DPP10: variants seen among roughly 807,000 people sequenced by gnomAD.
DPP10 encodes dipeptidyl peptidase like 10.
DPP10 carries 33 observed loss-of-function variants against 120.9 expected under a neutral mutation model. The ratio of observed to expected loss-of-function variants is 0.27; its 90% CI spans 0.21 to 0.37. The LOEUF (loss-of-function observed/expected upper bound fraction) is 0.37. DPP10 is among the 10% of genes least tolerant of loss of function. The pLI, the probability that DPP10 is intolerant of heterozygous loss-of-function variation, is 1.00. For synonymous variants in DPP10, 337 were observed against 326.1 expected (o/e 1.03, Z -0.36); for missense variants, 816 against 942.8 (o/e 0.87, Z 1.76).
At chr2:115,295,225 G>A (rs983751046) in intron 1 of DPP10, among the ~76,000 whole-genome samples, 2 of 152,072 alleles carry the variant, frequency 1.3e-5, no homozygotes, top group East Asian at 3.9e-4. Flanking sequence ...GCTTTGAGGC[G>A]AGTAATTGCC....
intron 1 of DPP10, among the ~76,000 whole-genome samples, chr2:114,667,833 C>A (rs1698044577): frequency 6.6e-6 from 1 of 152,064 alleles, no homozygotes; most frequent in South Asian, 2.1e-4. Flanking sequence ...TAGGTAAGTA[C>A]AAATCTGAAA....
Position 115,067,274 on chromosome 2 carries a change from C to T in DPP10, c.61-241965C>T, listed in dbSNP as rs867421510. 6.6e-5 allele frequency among the ~76,000 whole-genome samples: 10 copies of T among 151,974 alleles called. No homozygotes were observed. In the South Asian group the frequency reaches 8.3e-4, roughly 13 times the overall value. On this transcript the variant is annotated intron_variant, in intron 1 of 25. Coordinates refer to ENST00000410059, the MANE Select transcript of DPP10 (RefSeq NM_020868.6). ...GTTTGTTTTTGTTTTTGTTTTGAGA[C>T]GGAGTCTGGCTCTGTCGCCCAGGCT...
intron 1 of DPP10, among the ~76,000 whole-genome samples, chr2:114,779,975 A>T (rs866191773): frequency 1.2e-4 from 18 of 152,166 alleles, no homozygotes; most frequent in Middle Eastern, 6.8e-3. Context: ...TCTCTACTAA[A>T]AATACAAAAA....
intron 1 of DPP10, among the ~76,000 whole-genome samples, chr2:114,609,735 C>G (rs939281758): frequency 6.6e-6 from 1 of 152,136 alleles, no homozygotes; most frequent in Non-Finnish European, 1.5e-5. Context: ...GAAAGGGTTC[C>G]TCTTGAAAAC....
chr2:114,887,605 C>T lies in DPP10; in HGVS notation c.61-421634C>T, dbSNP rs578145726. Among the ~76,000 whole-genome samples the T allele has an allele frequency of 2.2e-4, 33 of 152,330 alleles. No individual in the cohort carries two copies. In the South Asian group the frequency reaches 6.6e-3, roughly 31 times the overall value. On this transcript the variant is annotated intron_variant, in intron 1 of 25. Coordinates refer to ENST00000410059, the MANE Select transcript of DPP10 (RefSeq NM_020868.6). ...CCTTCCAAAAGTGGAAATCCTTCAT[C>T]TGTAAAACAGTGTTAATGATGTATA...
At chr2:114,483,513 G>A (rs906448066) in intron 1 of DPP10, among the ~76,000 whole-genome samples, 35 of 151,822 alleles carry the variant, frequency 2.3e-4, no homozygotes, top group Admixed American at 2.0e-3. Flanking sequence ...TCCTGAAAGC[G>A]CTTTTTGGAC....
At chr2:114,459,372 T>A (rs1678748949) in intron 1 of DPP10, among the ~76,000 whole-genome samples, 1 of 152,182 alleles carries the variant, frequency 6.6e-6, no homozygotes, top group Admixed American at 6.5e-5. Flanking sequence ...CAGTCAGTGG[T>A]CCATGCTATT....
intron 1 of DPP10, among the ~76,000 whole-genome samples, chr2:114,858,978 G>A (rs545154839): frequency 6.6e-6 from 1 of 152,144 alleles, no homozygotes; most frequent in African/African-American, 2.4e-5. Context: ...ATCTCAATAG[G>A]AGTAGCATCT....
At chr2:114,749,560 T>TTTATTTTATTTTA (rs1438530126) in intron 1 of DPP10, among the ~76,000 whole-genome samples, 2 of 142,586 alleles carry the variant, frequency 1.4e-5, no homozygotes, top group African/African-American at 5.4e-5. Context: ...TTTATTTTAT[T>TTTATTTTATTTTA]TTATTTTATT....
chr2:115,357,381 T>G (rs1008129945), intron 3 of DPP10, among the ~76,000 whole-genome samples: 5 of 152,170 alleles, frequency 3.3e-5, no homozygotes, highest in Admixed American at 6.5e-5. Context: ...AGTCCGAAAT[T>G]CAATAAGGCA....
At chr2:114,979,705 G>A (rs1320441595) in intron 1 of DPP10, among the ~76,000 whole-genome samples, 1 of 151,944 alleles carries the variant, frequency 6.6e-6, no homozygotes, top group African/African-American at 2.4e-5. Flanking sequence ...TAGCATTCAT[G>A]GATGAACTAC....
chr2:114,961,033 C>CTTTTTTTTTTTTTTTTTTTTTTTTT (rs772146022), intron 1 of DPP10, among the ~76,000 whole-genome samples: 1 of 52,004 alleles, frequency 1.9e-5, no homozygotes, highest in Non-Finnish European at 3.5e-5. Context: ...CTCTATACGC[C>CTTTTTTTTTTTTTTTTTTTTTTTTT]TTTTTTTTTT....
chr2:115,463,069 C>T (rs956165882), intron 3 of DPP10, among the ~76,000 whole-genome samples: 52 of 152,196 alleles, frequency 3.4e-4, no homozygotes, highest in African/African-American at 1.2e-3. Context: ...TCTGGAATAA[C>T]CTTACACAAA....
chr2:115,816,851 G>C (rs1190601240), intron 21 of DPP10, among the ~76,000 whole-genome samples: 1 of 150,396 alleles, frequency 6.6e-6, no homozygotes, highest in East Asian at 2.0e-4. Flanking sequence ...TCTTGACCTC[G>C]TGATCCGCCT....
chr2:114,930,256 C>T (rs1342802649), intron 1 of DPP10, among the ~76,000 whole-genome samples: 1 of 152,184 alleles, frequency 6.6e-6, no homozygotes, highest in African/African-American at 2.4e-5. Context: ...TTCTCTACCG[C>T]ATAGCCAGGC....
At chr2:114,546,318 G>C (rs552302290) in intron 1 of DPP10, among the ~76,000 whole-genome samples, 1 of 152,170 alleles carries the variant, frequency 6.6e-6, no homozygotes, top group African/African-American at 2.4e-5. Flanking sequence ...GCAAGAGCAA[G>C]TGGGGAGGTA....
At chr2:114,693,008 T>A (rs1228462807) in intron 1 of DPP10, among the ~76,000 whole-genome samples, 1 of 152,034 alleles carries the variant, frequency 6.6e-6, no homozygotes, top group Admixed American at 6.6e-5. Context: ...GACAGCATAG[T>A]GATGGGTCTT....
intron 1 of DPP10, among the ~76,000 whole-genome samples, chr2:114,954,118 T>C (rs1159664872): frequency 1.4e-5 from 2 of 143,872 alleles, no homozygotes; most frequent in African/African-American, 5.2e-5. Context: ...TCTCACTCTG[T>C]AGCCCAGGCT....
At chr2:115,435,063 T>C (rs1420309601) in intron 3 of DPP10, among the ~76,000 whole-genome samples, 2 of 151,244 alleles carry the variant, frequency 1.3e-5, no homozygotes, top group East Asian at 3.9e-4. Context: ...TATATATATA[T>C]ATATATATAT....
Sources: allele counts gnomAD v4.1 joint callset (sites outside exome capture counted in the v4.1 genomes callset), GRCh38; gene constraint gnomAD v4.1.1; transcripts MANE v1.5; gene names NCBI Gene and HGNC (gene_info 2026-07-23, HGNC 2026-07-21).